SHFL: variants seen among roughly 807,000 people sequenced by gnomAD.
SHFL encodes shiftless antiviral inhibitor of ribosomal frameshifting protein.
SHFL carries 12 observed loss-of-function variants against 34.7 expected under a neutral mutation model. The ratio of observed to expected loss-of-function variants is 0.35; its 90% CI spans 0.22 to 0.56. SHFL has a LOEUF of 0.56. Ranked by LOEUF, SHFL falls within the 20% of genes least tolerant of loss-of-function variation. The pLI is 0.88. For missense variants in SHFL, 278 were observed against 411.1 expected (o/e 0.68, Z 2.80); for synonymous variants, 148 against 156.0 (o/e 0.95, Z 0.38).
In SHFL at chr19:10,092,560, T is replaced by C. The variant is rs576502082; in HGVS notation, c.*258T>C. On this transcript the variant is annotated 3_prime_UTR_variant, in exon 8 of 8. Transcript: ENST00000253110. Reference sequence around the variant, plus strand: ...TGGGCTCCTGCTGACCAATGTCCTCTAGGGCCTAGGGGACAGAGGAACACA... The same window carrying C: ...TGGGCTCCTGCTGACCAATGTCCTCCAGGGCCTAGGGGACAGAGGAACACA... 6.3e-7 allele frequency: 1 copy of C among 1,577,798 alleles called. No individual in the cohort carries two copies. Among genetic ancestry groups the C allele is most frequent in the East Asian group, 2.3e-5 (1 of 44,366 alleles).
In SHFL at chr19:10,092,788, A is replaced by C; in HGVS notation, c.*486A>C. 1 of 1,577,790 alleles carries C rather than the reference A, an allele frequency of 6.3e-7. No individual in the cohort carries two copies. Among genetic ancestry groups the C allele is most frequent in the African/African-American group, 1.3e-5 (1 of 74,142 alleles). ...GTACAGGGCACAGTTACCTGAGGGG[A>C]GAGAGAGAGTCCATGTCCTCTCACC... On this transcript the variant is annotated 3_prime_UTR_variant, in exon 8 of 8. Transcript: ENST00000253110.
At position 10,091,401 on chromosome 19, in the gene SHFL, C is replaced by T. The variant is rs1250614596; in HGVS notation, c.488+48C>T. Reference sequence around the variant, plus strand: ...CCCCCTCAGCCCTGCCCTACCCCAGCCCTGCCCCTCCCTGCCCTGGCCCCA... The same window carrying T: ...CCCCCTCAGCCCTGCCCTACCCCAGTCCTGCCCCTCCCTGCCCTGGCCCCA... On this transcript the variant is annotated intron_variant, in intron 6 of 7. Coordinates refer to ENST00000253110, the MANE Select transcript of SHFL (RefSeq NM_018381.4). The surrounding 1 kb of genome is among the most constrained non-coding windows in gnomAD (Gnocchi z 8.2). The T allele has an allele frequency of 3.2e-5, 50 of 1,565,610 alleles. No individual in the cohort carries two copies. The highest frequency in any genetic ancestry group is 4.2e-5 in the Non-Finnish European group (48 of 1,148,722).
Position 10,089,888 on chromosome 19 carries a change from C to T in SHFL, c.235-10C>T, listed in dbSNP as rs1391678347. On this transcript the variant is annotated splice_polypyrimidine_tract_variant and intron_variant, in intron 4 of 7. Transcript: ENST00000253110. ...CCCCCCACCTCATCCCCACCTGCCCCATTCCACAGGCAGTGGCGACCTCCC... is the reference window on the plus strand; with the variant it reads ...CCCCCCACCTCATCCCCACCTGCCCTATTCCACAGGCAGTGGCGACCTCCC... The T allele has an allele frequency of 1.2e-6, 2 of 1,610,306 alleles. No homozygotes were observed. Among genetic ancestry groups the T allele is most frequent in the African/African-American group, 1.3e-5 (1 of 74,782 alleles).
chr19:10,092,240 C>T lies in SHFL; in HGVS notation c.814C>T (p.Leu272=). 6.2e-7 allele frequency: 1 copy of T among 1,611,712 alleles called. No homozygotes were observed. The highest frequency in any genetic ancestry group is 8.5e-7 in the Non-Finnish European group (1 of 1,178,906). ...CCTGGACAACCTCATCCTGGAGGACCTGAAGGAGGAGGAGGAGGAAGAGGA... is the reference window on the plus strand; with the variant it reads ...CCTGGACAACCTCATCCTGGAGGACTTGAAGGAGGAGGAGGAGGAAGAGGA... The part of the protein sequence containing the change: ...EDLDNLILED[L]KEEEEEEEEV... The change falls in exon 8 of 8, where the codon CTG becomes TTG. Residue 272 remains leucine (L), a synonymous_variant. Transcript: ENST00000253110.
rs201429360 is a variant in SHFL, at chr19:10,089,941, G to A, written c.278G>A (p.Arg93His). The A allele has an allele frequency of 1.8e-4, 290 of 1,612,130 alleles. No individual in the cohort carries two copies. Among genetic ancestry groups the A allele is most frequent in the Non-Finnish European group, 3.1e-5 (37 of 1,179,298 alleles). ...SLLPLTEANL[R>H]MFQRAQDDLI... is the part of the protein sequence containing the mutation. ...CTGCCACTGACAGAAGCCAACCTAC[G>A]CATGTTTCAACGTGCCCAGGACGAC... is the stretch of plus-strand genomic sequence containing the variant. Residue 93 changes from arginine to histidine, a missense_variant, in exon 5 of 8, where the codon CGC becomes CAC. Around this residue, in one of 2 missense-constraint regions of SHFL, gnomAD observed 243 missense variants for 386.2 expected, o/e 0.63. Coordinates refer to ENST00000253110, the MANE Select transcript of SHFL (RefSeq NM_018381.4).
chr19:10,086,370 A>T lies in SHFL; in HGVS notation c.-58A>T. 7.9e-7 allele frequency: 1 copy of T among 1,264,810 alleles called. No individual in the cohort carries two copies. The highest frequency in any genetic ancestry group is 1.0e-6 in the Non-Finnish European group (1 of 997,164). 78.3% of individuals were successfully genotyped at this position (1,264,810 alleles called of 1,614,324 possible). A position where few individuals can be genotyped will look rare whatever the true frequency, so the allele number is the denominator to read the frequency against. On this transcript the variant is annotated 5_prime_UTR_variant, in exon 1 of 8. Coordinates refer to ENST00000253110, the MANE Select transcript of SHFL (RefSeq NM_018381.4). This position sits in a 1 kb window ranked among gnomAD's most constrained non-coding sequence, Gnocchi z 5.2. ...GCTGGACCGACGGGCGCACCCAGGT[A>T]GGGGGGCGGCTGAGCCGCGCAGTGC...
rs377121282 is a variant in SHFL, at chr19:10,087,071, C to T, written c.145+19C>T. 4.4e-6 allele frequency: 7 copies of T among 1,606,748 alleles called. No individual in the cohort carries two copies. Among genetic ancestry groups the T allele is most frequent in the African/African-American group, 4.0e-5 (3 of 74,758 alleles). ...GTGTACGGTGAGGCTGCAGGGGTCC[C>T]GGGCCTGGTGCGGGGACCGCGCGTG... On this transcript the variant is annotated intron_variant, in intron 2 of 7. Coordinates refer to ENST00000253110, the MANE Select transcript of SHFL (RefSeq NM_018381.4).
chr19:10,086,874 G>A lies in SHFL; in HGVS notation c.22-55G>A. ...GGGAGAACGGTGCCTAGAGATGGGG[G>A]AGGGATGATCCCGTTTCCCCTTCCC... On this transcript the variant is annotated intron_variant, in intron 1 of 7. Coordinates refer to ENST00000253110, the MANE Select transcript of SHFL (RefSeq NM_018381.4). This position sits in a 1 kb window ranked among gnomAD's most constrained non-coding sequence, Gnocchi z 5.2. 1 of 1,602,022 alleles carries A rather than the reference G, an allele frequency of 6.2e-7. No individual in the cohort carries two copies. Among genetic ancestry groups the A allele is most frequent in the Non-Finnish European group, 8.5e-7 (1 of 1,172,602 alleles).
Position 10,091,262 on chromosome 19 carries a change from C to T in SHFL, c.397C>T (p.Arg133Trp), listed in dbSNP as rs754355093. 3 of 1,613,724 alleles carry T rather than the reference C, an allele frequency of 1.9e-6. No homozygotes were observed. Among genetic ancestry groups the T allele is most frequent in the Non-Finnish European group, 1.7e-6 (2 of 1,179,758 alleles). Residue 133 changes from arginine (R) to tryptophan (W), a missense_variant, in exon 6 of 8, where the codon CGG (arginine) becomes TGG (tryptophan). Transcript: ENST00000253110. This position sits in a 1 kb window ranked among gnomAD's most constrained non-coding sequence, Gnocchi z 8.2. ...VPQRKEVSRC[R>W]KCRKRYEPVP... ...CCACCACCACCAGGTATCCCGGTGC[C>T]GGAAATGCCGGAAGCGCTACGAGCC...
rs375793952 is a variant in SHFL at position 10,086,982 on chromosome 19, C to G, written c.75C>G (p.Ser25=). 179 of 1,613,730 alleles carry G rather than the reference C, an allele frequency of 1.1e-4. 1 individual carries two copies. Among genetic ancestry groups the G allele is most frequent in the Non-Finnish European group, 1.2e-4 (144 of 1,179,792 alleles). Residue 25 remains serine, a synonymous_variant, in exon 2 of 8, where the codon TCC becomes TCG. Coordinates refer to ENST00000253110, the MANE Select transcript of SHFL (RefSeq NM_018381.4). The surrounding 1 kb of genome is among the most constrained non-coding windows in gnomAD (Gnocchi z 5.2). Reference sequence around the variant, plus strand: ...AGAAGTTTCATGGGAAGGTATCCTCCAAGAAGGCGGGGGCTCTGATGAGGA... The same window carrying G: ...AGAAGTTTCATGGGAAGGTATCCTCGAAGAAGGCGGGGGCTCTGATGAGGA... ...LREKFHGKVS[S]KKAGALMRKF...
Position 10,093,162 on chromosome 19 carries a change from G to T in SHFL, c.*860G>T. The T allele has an allele frequency of 1.3e-6, 1 of 756,266 alleles. No homozygotes were observed. The highest frequency in any genetic ancestry group is 2.1e-6 in the Non-Finnish European group (1 of 474,932). The allele number at this position is 756,266 out of a possible 1,614,324, so 46.8% of individuals were successfully genotyped here. The stretch of plus-strand genomic sequence containing the variant: ...TTCTTTTTTTGCCTCATCAGAGAAG[G>T]AATCTGGACTCCCCATCCCCCCACC... On this transcript the variant is annotated 3_prime_UTR_variant, in exon 8 of 8. Transcript: ENST00000253110.
Position 10,091,586 on chromosome 19 carries a change from C to T in SHFL, c.599C>T (p.Thr200Ile). 3 of 1,551,850 alleles carry T rather than the reference C, an allele frequency of 1.9e-6. No homozygotes were observed. Among genetic ancestry groups the T allele is most frequent in the East Asian group, 2.4e-5 (1 of 40,944 alleles). Residue 200 changes from threonine to isoleucine, a missense_variant, in exon 7 of 8, where the codon ACC becomes ATC. Thr to Ile is a moderately conservative substitution (Grantham distance 89). Coordinates refer to ENST00000253110, the MANE Select transcript of SHFL (RefSeq NM_018381.4). This position sits in a 1 kb window ranked among gnomAD's most constrained non-coding sequence, Gnocchi z 8.2. Reference protein sequence around the residue: ...RWDRDPDRRSTHTHSCSAADC... With the variant: ...RWDRDPDRRSIHTHSCSAADC... ...GACCGGGACCCGGATCGCCGCAGCA[C>T]CCACACTCACTCCTGCTCAGCTGCC...
rs532483273 is a variant in SHFL at position 10,092,377 on chromosome 19, C to T, written c.*75C>T. 96 of 1,532,060 alleles carry T rather than the reference C, an allele frequency of 6.3e-5. No individual in the cohort carries two copies. The highest frequency in any genetic ancestry group is 7.7e-5 in the Non-Finnish European group (88 of 1,143,260). The allele number at this position is 1,532,060 out of a possible 1,614,324, so 94.9% of individuals were successfully genotyped here. A position where few individuals can be genotyped will look rare whatever the true frequency, so the allele number is the denominator to read the frequency against. On this transcript the variant is annotated 3_prime_UTR_variant, in exon 8 of 8. Transcript: ENST00000253110. ...GTTATTATAAGATATGAGCTCAAACCGAGATATGAATGACCTTGGGGAGCC... is the reference window on the plus strand; with the variant it reads ...GTTATTATAAGATATGAGCTCAAACTGAGATATGAATGACCTTGGGGAGCC...
Position 10,086,699 on chromosome 19 carries a change from C to T in SHFL, c.22-230C>T. On this transcript the variant is annotated intron_variant, in intron 1 of 7. Coordinates refer to ENST00000253110, the MANE Select transcript of SHFL (RefSeq NM_018381.4). This position sits in a 1 kb window ranked among gnomAD's most constrained non-coding sequence, Gnocchi z 5.2. ...CAGAGGCCAGAGATAACCTGGCCGC[C>T]CCCCCACACCTTAGGCTGGGACGCT... 3.3e-6 allele frequency: 2 copies of T among 599,162 alleles called. No individual in the cohort carries two copies. The highest frequency in any genetic ancestry group is 5.8e-6 in the Non-Finnish European group (2 of 347,372). The allele number at this position is 599,162 out of a possible 1,614,324, so 37.1% of individuals were successfully genotyped here.
intron 7 of SHFL, 22 bp from the exon 8 acceptor site, chr19:10,092,048 T>G: frequency 6.2e-7 from 1 of 1,613,534 alleles, no homozygotes; most frequent in Non-Finnish European, 8.5e-7. Context: ...GCCCCATGTC[T>G]GCAGCACCTC....
chr19:10,086,865 G>C lies in SHFL; in HGVS notation c.22-64G>C. ...GTTCGGGCCGGGAGAACGGTGCCTA[G>C]AGATGGGGGAGGGATGATCCCGTTT... On this transcript the variant is annotated intron_variant, in intron 1 of 7. Coordinates refer to ENST00000253110, the MANE Select transcript of SHFL (RefSeq NM_018381.4). The surrounding 1 kb of genome is among the most constrained non-coding windows in gnomAD (Gnocchi z 5.2). 6.3e-7 allele frequency: 1 copy of C among 1,586,674 alleles called. No individual in the cohort carries two copies. Among genetic ancestry groups the C allele is most frequent in the Non-Finnish European group, 8.6e-7 (1 of 1,162,548 alleles).
At position 10,086,806 on chromosome 19, in the gene SHFL, G is replaced by GGC; in HGVS notation, c.22-122_22-121insCG. On this transcript the variant is annotated intron_variant, in intron 1 of 7. Transcript: ENST00000253110. This position sits in a 1 kb window ranked among gnomAD's most constrained non-coding sequence, Gnocchi z 5.2. Reference sequence around the variant, plus strand: ...AATGCCGTAAAGGGATGAAAGGCGGGGGGGGGGCGGCGGAGGCCAAAACCA... The same window carrying GGC: ...AATGCCGTAAAGGGATGAAAGGCGGGGCGGGGGGGCGGCGGAGGCCAAAACCA... 8.4e-7 allele frequency: 1 copy of GGC among 1,189,660 alleles called. No individual in the cohort carries two copies. The highest frequency in any genetic ancestry group is 1.2e-6 in the Non-Finnish European group (1 of 850,982). The allele number at this position is 1,189,660 out of a possible 1,614,324, so 73.7% of individuals were successfully genotyped here.
rs2088287617 is a variant in SHFL at position 10,086,567 on chromosome 19, AC to A, written c.21+123del. The A allele has an allele frequency of 3.0e-6, 3 of 1,016,632 alleles. No individual in the cohort carries two copies. The highest frequency in any genetic ancestry group is 3.8e-5 in the Admixed American group (1 of 26,448). 63.0% of individuals were successfully genotyped at this position (1,016,632 alleles called of 1,614,324 possible). On this transcript the variant is annotated intron_variant, in intron 1 of 7. Transcript: ENST00000253110. The surrounding 1 kb of genome is among the most constrained non-coding windows in gnomAD (Gnocchi z 5.2). Reference sequence around the variant, plus strand: ...CCCCATCCTAGAACCCCAGATCCTTACCCCTGCCTGGCGCTCGCCCCCCTTG... The same window carrying A: ...CCCCATCCTAGAACCCCAGATCCTTACCCTGCCTGGCGCTCGCCCCCCTTG...
At chr19:10,087,500 A>T (rs2088307489) in intron 3 of SHFL, 200 bp downstream of exon 3, 1 of 613,852 alleles carries the variant, frequency 1.6e-6, no homozygotes, top group African/African-American at 1.8e-5. Context: ...GTAGGCGCTC[A>T]TTATGTGCTG....
Sources: gnomAD v4.1 joint callset for allele counts on GRCh38, gnomAD v4.1.1 for gene constraint, gnomAD v4.1.1 regional missense constraint, Gnocchi (gnomAD v3.1) non-coding constraint, MANE v1.5 for transcripts, NCBI Gene and HGNC (gene_info 2026-07-23, HGNC 2026-07-21) for gene names.